Variants in MAST2 observed in about 807,000 individuals in gnomAD.
The protein encoded by MAST2 is microtubule-associated serine/threonine-protein kinase 2.
In MAST2, 70 loss-of-function variants were observed where a neutral mutation model predicts 147.4. The observed-to-expected ratio is 0.47, with a 90% CI of 0.39 to 0.58. The LOEUF (loss-of-function observed/expected upper bound fraction) is 0.58. Among genes scored for constraint, MAST2 ranks in the 20% least tolerant of loss-of-function variants. The pLI is 0.00. For missense variants in MAST2, 2,080 were observed against 2,302.3 expected (o/e 0.90, Z 1.98); for synonymous variants, 869 against 896.8 (o/e 0.97, Z 0.55).
At chr1:45,972,194 C>T (rs1219188008) in intron 5 of MAST2, among the ~76,000 whole-genome samples, 1 of 152,204 alleles carries the variant, frequency 6.6e-6, no homozygotes, top group Non-Finnish European at 1.5e-5. Context: ...GAGGACTCAA[C>T]ATTCAGCACA....
At chr1:45,955,312 T>C (rs905416029) in intron 4 of MAST2, among the ~76,000 whole-genome samples, 1 of 152,204 alleles carries the variant, frequency 6.6e-6, no homozygotes, top group Non-Finnish European at 1.5e-5. Context: ...CACATCTTCC[T>C]GTATACTTTA....
At chr1:45,948,881 A>G (rs1359102236) in intron 4 of MAST2, among the ~76,000 whole-genome samples, 1 of 152,040 alleles carries the variant, frequency 6.6e-6, no homozygotes, top group Non-Finnish European at 1.5e-5. Flanking sequence ...ATAGAACAGA[A>G]CAGAGAGCCT....
intron 11 of MAST2, among the ~76,000 whole-genome samples, chr1:46,020,713 A>G (rs1039227712): frequency 3.3e-5 from 5 of 152,094 alleles, no homozygotes; most frequent in Admixed American, 1.3e-4. Flanking sequence ...CTCCCAGACA[A>G]TAACTTAACT....
chr1:45,906,704 TATA>T (rs1335742630), intron 4 of MAST2, among the ~76,000 whole-genome samples: 1 of 149,900 alleles, frequency 6.7e-6, no homozygotes, highest in African/African-American at 2.4e-5. Flanking sequence ...TATATGTTTA[TATA>T]ATGTTATTAT....
chr1:45,824,175 TCCTGTCA>T (rs1644721862), intron 1 of MAST2, among the ~76,000 whole-genome samples: 1 of 152,202 alleles, frequency 6.6e-6, no homozygotes, highest in African/African-American at 2.4e-5. Flanking sequence ...GAATACTATA[TCCTGTCA>T]AAATGTCTGT....
intron 4 of MAST2, among the ~76,000 whole-genome samples, chr1:45,931,375 C>CTGTTT (rs1655261500): frequency 2.2e-5 from 1 of 46,402 alleles, no homozygotes. Context: ...GTATTGTGTT[C>CTGTTT]TGTTTTTTTT....
In MAST2 at chr1:46,002,797, G is replaced by A; in HGVS notation, c.669-8G>A. 1 of 1,613,938 alleles carries A rather than the reference G, an allele frequency of 6.2e-7. No individual in the cohort carries two copies. The highest frequency in any genetic ancestry group is 8.5e-7 in the Non-Finnish European group (1 of 1,179,830). On this transcript the variant is annotated splice_region_variant and splice_polypyrimidine_tract_variant and intron_variant, in intron 6 of 28. Transcript: ENST00000361297. ...CAGAAACTGCCTAATACTTTTTCTT[G>A]CATACAGGACTGATGGGCGGCGCTG...
intron 2 of MAST2, among the ~76,000 whole-genome samples, chr1:45,825,961 C>T (rs1359790726): frequency 6.6e-6 from 1 of 151,926 alleles, no homozygotes; most frequent in African/African-American, 2.4e-5. Flanking sequence ...TCTGTGATCC[C>T]AGCCACTCCG....
chr1:45,991,787 C>A (rs1644863878), intron 5 of MAST2, among the ~76,000 whole-genome samples: 1 of 152,206 alleles, frequency 6.6e-6, no homozygotes, highest in Admixed American at 6.5e-5. Flanking sequence ...GAATATTCTA[C>A]ATAGACAATC....
At chr1:45,919,202 G>A (rs1292506496) in intron 4 of MAST2, among the ~76,000 whole-genome samples, 1 of 152,180 alleles carries the variant, frequency 6.6e-6, no homozygotes, top group East Asian at 1.9e-4. Flanking sequence ...AACCCATGAT[G>A]ATTCAGATAA....
chr1:45,849,344 T>C (rs1645547840), intron 3 of MAST2, among the ~76,000 whole-genome samples: 1 of 152,196 alleles, frequency 6.6e-6, no homozygotes, highest in South Asian at 2.1e-4. Context: ...ACTATAGGGA[T>C]ACAGTAACCA....
At chr1:46,007,255 A>G (rs80079200) in intron 8 of MAST2, among the ~76,000 whole-genome samples, 19 of 152,278 alleles carry the variant, frequency 1.2e-4, no homozygotes, top group African/African-American at 4.6e-4. Context: ...CCTCCCAGAA[A>G]GAATCCCCTC....
At chr1:46,019,304 C>G (rs1460745604) in intron 10 of MAST2, among the ~76,000 whole-genome samples, 1 of 152,056 alleles carries the variant, frequency 6.6e-6, no homozygotes, top group Non-Finnish European at 1.5e-5. Context: ...TTGAGAGCTG[C>G]CCCTTGAGCT....
At chr1:45,932,053 A>G (rs1655402663) in intron 4 of MAST2, among the ~76,000 whole-genome samples, 1 of 152,192 alleles carries the variant, frequency 6.6e-6, no homozygotes, top group South Asian at 2.1e-4. Context: ...TCCCATTACT[A>G]TGAAGTTAAC....
At position 45,803,929 on chromosome 1, in the gene MAST2, C is replaced by A; in HGVS notation, c.34C>A (p.Pro12Thr). 3 of 779,400 alleles carry A rather than the reference C, an allele frequency of 3.8e-6. No individual in the cohort carries two copies. The highest frequency in any genetic ancestry group is 5.4e-6 in the Non-Finnish European group (3 of 551,966). 48.3% of individuals were successfully genotyped at this position (779,400 alleles called of 1,614,324 possible). ...KRSRCRDRPQPPPPDRREDGV... is the reference protein window; with the variant it reads ...KRSRCRDRPQTPPPDRREDGV... ...GAGCCGCTGCCGCGACCGACCGCAG[C>A]CGCCGCCGCCCGACCGCCGGGAGGA... The change falls in exon 1 of 29, where the codon CCG (proline) becomes ACG (threonine). Residue 12 changes from proline (P) to threonine (T), a missense_variant. By Grantham distance (38) the Pro-to-Thr change is conservative (BLOSUM62 -1). Transcript: ENST00000361297.
At chr1:45,991,149 A>G (rs1166114448) in intron 5 of MAST2, among the ~76,000 whole-genome samples, 2 of 152,170 alleles carry the variant, frequency 1.3e-5, no homozygotes. Context: ...ATGAGAATAT[A>G]TATTTTCTTC....
intron 5 of MAST2, among the ~76,000 whole-genome samples, chr1:45,960,513 A>AAAAAG (rs1307731509): frequency 1.3e-5 from 2 of 152,168 alleles, no homozygotes; most frequent in Non-Finnish European, 2.9e-5. Context: ...TCAAAAAGAA[A>AAAAAG]AAAAGAAAAG....
At chr1:45,933,225 TAAA>T (rs67194773) in intron 4 of MAST2, among the ~76,000 whole-genome samples, 1 of 32,194 alleles carries the variant, frequency 3.1e-5, no homozygotes, top group Non-Finnish European at 6.1e-5. Flanking sequence ...CCTGTCTCTT[TAAA>T]AAAAAAAAGC....
intron 4 of MAST2, among the ~76,000 whole-genome samples, chr1:45,956,765 C>T (rs907292212): frequency 1.3e-5 from 2 of 152,348 alleles, no homozygotes; most frequent in African/African-American, 4.8e-5. Context: ...ATACACCCAT[C>T]AGCCAGCTAT....
Sources: gnomAD v4.1 joint callset for allele counts (sites outside exome capture counted in the v4.1 genomes callset) on GRCh38, gnomAD v4.1.1 for gene constraint, MANE v1.5 for transcripts, NCBI Gene and HGNC (gene_info 2026-07-23, HGNC 2026-07-21) for gene names.